The following SESTD1 variants were observed in gnomAD, a reference collection of about 807,000 sequenced individuals.
The protein encoded by SESTD1 is SEC14 and spectrin domain containing 1, also known as SEC14 domain and spectrin repeat-containing protein 1.
Under a neutral mutation model 101.7 loss-of-function variants are expected in SESTD1, and 43 were observed. That is an observed-to-expected ratio of 0.42 (90% CI 0.33 to 0.55). The LOEUF (loss-of-function observed/expected upper bound fraction) is 0.55, where lower values mean the gene tolerates loss of function less well. Ranked by LOEUF, SESTD1 falls within the 20% of genes least tolerant of loss-of-function variation. The probability of loss-of-function intolerance (pLI) is 0.07; values close to 1 mark genes in which losing one functional copy is unlikely to be tolerated. For synonymous variants in SESTD1, 283 were observed against 286.8 expected (o/e 0.99, Z 0.13); for missense variants, 647 against 815.1 (o/e 0.79, Z 2.51).
rs541506099 is a variant in SESTD1 at position 179,147,179 on chromosome 2, T to C, written c.582-722A>G. Among the ~76,000 whole-genome samples, 185 of 151,362 alleles carry C rather than the reference T, an allele frequency of 1.2e-3. 1 individual carries two copies. The highest frequency in any genetic ancestry group is 4.2e-3 in the African/African-American group (175 of 41,294). On this transcript the variant is annotated intron_variant, in intron 7 of 17. Coordinates refer to ENST00000428443, the MANE Select transcript of SESTD1 (RefSeq NM_178123.5). ...GTTGAAAAAAAAAACAGACAGCTGATAAAAATTTGCAAGAGGAGGGACTCT... is the reference window on the plus strand; with the variant it reads ...GTTGAAAAAAAAAACAGACAGCTGACAAAAATTTGCAAGAGGAGGGACTCT...
chr2:179,177,872 A>C (rs1383950528), intron 3 of SESTD1, among the ~76,000 whole-genome samples: 1 of 152,244 alleles, frequency 6.6e-6, no homozygotes, highest in Non-Finnish European at 1.5e-5. Flanking sequence ...CCATAAAAAA[A>C]GAATGAAGTA....
chr2:179,174,467 C>T (rs767639507), intron 4 of SESTD1: 5 of 467,418 alleles, frequency 1.1e-5, no homozygotes, highest in Non-Finnish European at 2.2e-5. Flanking sequence ...ATCTGTGACA[C>T]AGTTGAAATG....
At chr2:179,146,928 TGTGTG>T (rs2045409018) in intron 7 of SESTD1, among the ~76,000 whole-genome samples, 2 of 151,822 alleles carry the variant, frequency 1.3e-5, no homozygotes, top group African/African-American at 2.4e-5. Flanking sequence ...TGTGTGTGTG[TGTGTG>T]TGTGTGTGTC....
chr2:179,115,532 G>C (rs2044608953), intron 15 of SESTD1, among the ~76,000 whole-genome samples: 1 of 152,000 alleles, frequency 6.6e-6, no homozygotes, highest in African/African-American at 2.4e-5. Context: ...TGGATTGCTT[G>C]AAGTTAGGAG....
At chr2:179,231,750 A>C (rs2046992046) in intron 1 of SESTD1, among the ~76,000 whole-genome samples, 1 of 151,670 alleles carries the variant, frequency 6.6e-6, no homozygotes, top group Admixed American at 6.6e-5. Flanking sequence ...AAATTTAAAA[A>C]AAAAGGGATA....
At chr2:179,253,670 G>A (rs565243949) in intron 1 of SESTD1, among the ~76,000 whole-genome samples, 75 of 152,158 alleles carry the variant, frequency 4.9e-4, no homozygotes, top group African/African-American at 1.7e-3. Flanking sequence ...AAAAGGATGG[G>A]AAATCATATG....
intron 1 of SESTD1, among the ~76,000 whole-genome samples, chr2:179,261,074 G>C (rs1463023732): frequency 2.0e-5 from 3 of 152,120 alleles, no homozygotes; most frequent in African/African-American, 7.2e-5. Flanking sequence ...TGAAACAGTG[G>C]GTTCTAGGAT....
chr2:179,221,338 T>C (rs1574045966), intron 1 of SESTD1, among the ~76,000 whole-genome samples: 1 of 145,878 alleles, frequency 6.9e-6, no homozygotes, highest in African/African-American at 2.5e-5. Flanking sequence ...TGGGGCTGGG[T>C]GCAGTGGCTC....
chr2:179,111,662 A>C lies in SESTD1; in HGVS notation c.1961+1062T>G, dbSNP rs150294952. Among the ~76,000 whole-genome samples, 621 of 152,000 alleles carry C rather than the reference A, an allele frequency of 4.1e-3. 7 individuals carry two copies. The highest frequency in any genetic ancestry group is 0.014 in the African/African-American group (584 of 41,434). The stretch of plus-strand genomic sequence containing the variant: ...ATTAAATATCCTCTGGATTATCTCT[A>C]AATTATTTTCAGTAAGAATCAGGTC... On this transcript the variant is annotated intron_variant, in intron 17 of 17. Coordinates refer to ENST00000428443, the MANE Select transcript of SESTD1 (RefSeq NM_178123.5).
intron 5 of SESTD1, among the ~76,000 whole-genome samples, chr2:179,169,789 A>T (rs1177011532): frequency 6.6e-6 from 1 of 152,018 alleles, no homozygotes; most frequent in African/African-American, 2.4e-5. Flanking sequence ...AGCATGACTA[A>T]CGTAGAGAAA....
chr2:179,165,428 AT>A (rs2045818533), intron 5 of SESTD1, among the ~76,000 whole-genome samples: 1 of 152,226 alleles, frequency 6.6e-6, no homozygotes, highest in Admixed American at 6.5e-5. Context: ...TTTAAGCAGG[AT>A]GTGACAGGTG....
In SESTD1 at chr2:179,215,001, A is replaced by G. The variant is rs545836082; in HGVS notation, c.-25-23135T>C. On this transcript the variant is annotated intron_variant, in intron 1 of 17. Coordinates refer to ENST00000428443, the MANE Select transcript of SESTD1 (RefSeq NM_178123.5). ...CACATTTAAAGCAGCATGTAGATGGAAATTTATAGCACTAAATGCCCACAA... is the reference window on the plus strand; with the variant it reads ...CACATTTAAAGCAGCATGTAGATGGGAATTTATAGCACTAAATGCCCACAA... Among the ~76,000 whole-genome samples, 177 of 135,352 alleles carry G rather than the reference A, an allele frequency of 1.3e-3. 41 individuals carry two copies. The highest frequency in any genetic ancestry group is 4.8e-3 in the African/African-American group (163 of 34,252). The allele number at this position is 135,352 out of a possible 152,430, so 88.8% of individuals were successfully genotyped here.
At chr2:179,181,791 A>C (rs2046116891) in intron 3 of SESTD1, among the ~76,000 whole-genome samples, 1 of 152,154 alleles carries the variant, frequency 6.6e-6, no homozygotes, top group Non-Finnish European at 1.5e-5. Flanking sequence ...AGTCTGGCTA[A>C]CCATGGTTAC....
chr2:179,253,166 G>A (rs942570265), intron 1 of SESTD1, among the ~76,000 whole-genome samples: 1 of 151,822 alleles, frequency 6.6e-6, no homozygotes, highest in Non-Finnish European at 1.5e-5. Flanking sequence ...CAACACTTTT[G>A]TTTTTTAGTG....
chr2:179,219,409 G>A lies in SESTD1; in HGVS notation c.-25-27543C>T, dbSNP rs540400354. ...GAAAACCCATTAGGGTAGCGTAGGG[G>A]TAACTAAATCATCTCTAGTAAGTCT... On this transcript the variant is annotated intron_variant, in intron 1 of 17. Transcript: ENST00000428443. 3.9e-5 allele frequency among the ~76,000 whole-genome samples: 6 copies of A among 152,300 alleles called. No individual in the cohort carries two copies. In the East Asian group the frequency reaches 1.2e-3, roughly 29 times the overall value.
At chr2:179,177,520 C>T (rs1311637745) in intron 3 of SESTD1, among the ~76,000 whole-genome samples, 1 of 152,100 alleles carries the variant, frequency 6.6e-6, no homozygotes, top group Non-Finnish European at 1.5e-5. Context: ...ACTAGTCCTC[C>T]TCTTCTCCCT....
chr2:179,249,378 C>T (rs1290618218), intron 1 of SESTD1, among the ~76,000 whole-genome samples: 1 of 151,940 alleles, frequency 6.6e-6, no homozygotes, highest in Non-Finnish European at 1.5e-5. Flanking sequence ...TAGCAACGAA[C>T]ATATGAACAA....
At chr2:179,212,694 G>C (rs6433768) in intron 1 of SESTD1, among the ~76,000 whole-genome samples, 1 of 134,860 alleles carries the variant, frequency 7.4e-6, no homozygotes, top group African/African-American at 2.9e-5. Flanking sequence ...CTTCAAGTGG[G>C]TCCCTGACCC....
intron 3 of SESTD1, among the ~76,000 whole-genome samples, chr2:179,181,456 C>T (rs1559131662): frequency 6.6e-6 from 1 of 152,090 alleles, no homozygotes. Flanking sequence ...TCTGATCCAC[C>T]CTCAGGCATT....
Sources: gnomAD v4.1 joint callset for allele counts (sites outside exome capture counted in the v4.1 genomes callset) on GRCh38, gnomAD v4.1.1 for gene constraint, MANE v1.5 for transcripts, NCBI Gene and HGNC (gene_info 2026-07-23, HGNC 2026-07-21) for gene names.